SLC9A8: variants seen among roughly 807,000 people sequenced by gnomAD.
SLC9A8 encodes the protein sodium/hydrogen exchanger 8.
In SLC9A8, 48 loss-of-function variants were observed where a neutral mutation model predicts 66.6. That is an observed-to-expected ratio of 0.72 (90% CI 0.57 to 0.92). The LOEUF (loss-of-function observed/expected upper bound fraction) is 0.92. Among genes scored for constraint, SLC9A8 ranks in the 40% least tolerant of loss-of-function variants. The pLI, the probability that SLC9A8 is intolerant of heterozygous loss-of-function variation, is 0.00. For missense variants in SLC9A8, 599 were observed against 747.3 expected (o/e 0.80, Z 2.31); for synonymous variants, 274 against 282.6 (o/e 0.97, Z 0.31).
At position 49,863,000 on chromosome 20, in the gene SLC9A8, A is replaced by G; in HGVS notation, c.785A>G (p.Asp262Gly). Reference sequence around the variant, plus strand: ...TGGCAAACATTTTTACAAGCCCTTGACTACTTCCTCAAAATGTTCTTTGGC... The same window carrying G: ...TGGCAAACATTTTTACAAGCCCTTGGCTACTTCCTCAAAATGTTCTTTGGC... ...SGWQTFLQAL[D>G]YFLKMFFGSA... The change falls in exon 9 of 16, where the codon GAC becomes GGC. Residue 262 changes from aspartate (D) to glycine (G), a missense_variant. By Grantham distance (94) the Asp-to-Gly change is moderately conservative. Transcript: ENST00000361573. The G allele has an allele frequency of 6.2e-7, 1 of 1,613,916 alleles. No individual in the cohort carries two copies. The highest frequency in any genetic ancestry group is 8.5e-7 in the Non-Finnish European group (1 of 1,179,774).
chr20:49,814,580 A>G (rs954442100), intron 1 of SLC9A8, among the ~76,000 whole-genome samples: 10 of 152,314 alleles, frequency 6.6e-5, no homozygotes, highest in African/African-American at 2.4e-4. Context: ...GCCCAGATCA[A>G]CAACTGGGCA....
chr20:49,831,071 G>A (rs572909383), intron 3 of SLC9A8: 3 of 697,904 alleles, frequency 4.3e-6, no homozygotes, highest in African/African-American at 3.5e-5. Flanking sequence ...TGTGTCCTGA[G>A]CCTGCATACA....
At chr20:49,870,732 T>C (rs1335302904) in intron 10 of SLC9A8, among the ~76,000 whole-genome samples, 1 of 152,228 alleles carries the variant, frequency 6.6e-6, no homozygotes, top group Non-Finnish European at 1.5e-5. Flanking sequence ...GACAGGATCA[T>C]GCTCTGTTAC....
At chr20:49,876,026 A>G (rs554864491) in intron 11 of SLC9A8, among the ~76,000 whole-genome samples, 35 of 152,274 alleles carry the variant, frequency 2.3e-4, no homozygotes, top group African/African-American at 8.2e-4. Context: ...GGCATGAGCC[A>G]CCGCACCCGG....
chr20:49,845,135 A>G lies in SLC9A8; in HGVS notation c.432+16A>G, dbSNP rs1158175503. 1.3e-6 allele frequency: 2 copies of G among 1,573,430 alleles called. No individual in the cohort carries two copies. The highest frequency in any genetic ancestry group is 2.2e-5 in the East Asian group (1 of 44,696). On this transcript the variant is annotated intron_variant, in intron 5 of 15. Transcript: ENST00000361573. ...ATTACACAAGGTGAGACTCAGGCAC[A>G]CATTGGTGCTTTGGTCTGGACAGTT... is the stretch of plus-strand genomic sequence containing the variant.
At chr20:49,813,323 C>T (rs2086428129) in intron 1 of SLC9A8, among the ~76,000 whole-genome samples, 3 of 152,252 alleles carry the variant, frequency 2.0e-5, no homozygotes, top group African/African-American at 7.2e-5. Context: ...TAGCCAGTCG[C>T]CTCCTGTATA....
intron 2 of SLC9A8, among the ~76,000 whole-genome samples, chr20:49,820,845 C>T (rs1204127367): frequency 6.6e-6 from 1 of 152,082 alleles, no homozygotes; most frequent in South Asian, 2.1e-4. Context: ...GCACCAGGCC[C>T]TCACTGTATT....
intron 10 of SLC9A8, among the ~76,000 whole-genome samples, chr20:49,870,662 A>AT (rs1371207038): frequency 3.3e-5 from 5 of 152,166 alleles, no homozygotes; most frequent in Non-Finnish European, 7.4e-5. Flanking sequence ...TAGGCACCAT[A>AT]TATGTGATAG....
At chr20:49,875,728 G>A (rs903510284) in intron 11 of SLC9A8, among the ~76,000 whole-genome samples, 1 of 151,894 alleles carries the variant, frequency 6.6e-6, no homozygotes, top group Non-Finnish European at 1.5e-5. Flanking sequence ...CTGGCATTTT[G>A]AGGGACTTGT....
chr20:49,883,534 G>A lies in SLC9A8; in HGVS notation c.1271-312G>A, dbSNP rs140377514. 4.1e-3 allele frequency among the ~76,000 whole-genome samples: 632 copies of A among 152,306 alleles called. 3 individuals are homozygous for A. Among genetic ancestry groups the A allele is most frequent in the African/African-American group, 0.015 (611 of 41,560 alleles). On this transcript the variant is annotated intron_variant, in intron 13 of 15. Coordinates refer to ENST00000361573, the MANE Select transcript of SLC9A8 (RefSeq NM_015266.3). ...CACAGGGAGGGCTCAGCCCACAGCA[G>A]CTGTCCTGCAGTTTCCAAGACACGA... is the stretch of plus-strand genomic sequence containing the variant.
chr20:49,827,677 C>A (rs2086968413), intron 3 of SLC9A8, among the ~76,000 whole-genome samples: 1 of 151,408 alleles, frequency 6.6e-6, no homozygotes, highest in Non-Finnish European at 1.5e-5. Flanking sequence ...TGAATAATAC[C>A]AAAGACAGGA....
Position 49,855,524 on chromosome 20 carries a change from A to T in SLC9A8, c.656A>T (p.Asn219Ile). 1.9e-6 allele frequency: 3 copies of T among 1,614,182 alleles called. No homozygotes were observed. Among genetic ancestry groups the T allele is most frequent in the Non-Finnish European group, 2.5e-6 (3 of 1,180,034 alleles). ...FNALHVDPVL[N>I]MLVFGESILN... Reference sequence around the variant, plus strand: ...GCACTTCATGTGGACCCCGTGCTCAACATGCTGGTCTTTGGAGAAAGTATT... The same window carrying T: ...GCACTTCATGTGGACCCCGTGCTCATCATGCTGGTCTTTGGAGAAAGTATT... Residue 219 changes from asparagine to isoleucine, a missense_variant, in exon 8 of 16, where the codon AAC becomes ATC. Asn to Ile is a moderately radical substitution (Grantham distance 149). Around this residue, in one of 2 missense-constraint regions of SLC9A8, gnomAD observed 467 missense variants for 626.5 expected, o/e 0.75. Coordinates refer to ENST00000361573, the MANE Select transcript of SLC9A8 (RefSeq NM_015266.3).
rs1157471837 is a variant in SLC9A8 at position 49,880,902 on chromosome 20, CTTAG to C, written c.1159-19_1159-16del. ...AAGAGCCAGATGTTTTCACCTAAGA[CTTAG>C]TTTGTTGCTATCAACAGGTGCTTGT... is the stretch of plus-strand genomic sequence containing the variant. On this transcript the variant is annotated intron_variant, in intron 12 of 15. Transcript: ENST00000361573. The C allele has an allele frequency of 6.6e-7, 1 of 1,521,494 alleles. No individual in the cohort carries two copies. Among genetic ancestry groups the C allele is most frequent in the African/African-American group, 1.4e-5 (1 of 73,180 alleles). 94.2% of individuals were successfully genotyped at this position (1,521,494 alleles called of 1,614,324 possible). A position where few individuals can be genotyped will look rare whatever the true frequency, so the allele number is the denominator to read the frequency against.
chr20:49,887,274 T>C (rs1245433623), intron 15 of SLC9A8, among the ~76,000 whole-genome samples: 1 of 152,144 alleles, frequency 6.6e-6, no homozygotes, highest in African/African-American at 2.4e-5. Context: ...GGGGCACTGC[T>C]GGCCTCTCTT....
At position 49,883,752 on chromosome 20, in the gene SLC9A8, T is replaced by C. The variant is rs1600817144; in HGVS notation, c.1271-94T>C. On this transcript the variant is annotated intron_variant, in intron 13 of 15. Coordinates refer to ENST00000361573, the MANE Select transcript of SLC9A8 (RefSeq NM_015266.3). ...CAGGGCCATTAGAATAGTCAGCTGG[T>C]CGTGGTGCTGGGCCGGCTGGATTTC... The C allele has an allele frequency of 1.7e-5, 16 of 950,014 alleles. 1 individual carries two copies. In the East Asian group the frequency reaches 3.8e-4, roughly 23 times the overall value. 58.8% of individuals were successfully genotyped at this position (950,014 alleles called of 1,614,324 possible).
Position 49,850,860 on chromosome 20 carries a change from T to C in SLC9A8, c.569+16T>C, listed in dbSNP as rs1400275474. On this transcript the variant is annotated intron_variant, in intron 7 of 15. Coordinates refer to ENST00000361573, the MANE Select transcript of SLC9A8 (RefSeq NM_015266.3). ...TGACAGACAGGTAAATCCTTCATACTGTAACACCCATGCGACTGCTTTTCA... is the reference window on the plus strand; with the variant it reads ...TGACAGACAGGTAAATCCTTCATACCGTAACACCCATGCGACTGCTTTTCA... 1.9e-6 allele frequency: 3 copies of C among 1,584,542 alleles called. No individual in the cohort carries two copies. The highest frequency in any genetic ancestry group is 2.6e-6 in the Non-Finnish European group (3 of 1,161,904).
intron 4 of SLC9A8, among the ~76,000 whole-genome samples, chr20:49,841,310 C>CT (rs1169084103): frequency 2.4e-5 from 3 of 126,620 alleles, no homozygotes; most frequent in South Asian, 4.9e-4. Context: ...GACCCTGTCT[C>CT]TAAAAAAAAA....
At chr20:49,885,325 TTTC>T (rs1381246363) in intron 14 of SLC9A8, among the ~76,000 whole-genome samples, 1 of 152,162 alleles carries the variant, frequency 6.6e-6, no homozygotes, top group African/African-American at 2.4e-5. Context: ...AGAATTTGTG[TTTC>T]TTCTTATTTA....
intron 12 of SLC9A8, among the ~76,000 whole-genome samples, chr20:49,880,079 A>G (rs1011634712): frequency 6.6e-6 from 1 of 151,812 alleles, no homozygotes; most frequent in Non-Finnish European, 1.5e-5. Context: ...TGGGCAACAT[A>G]GCAAGACCTC....
Sources: gnomAD v4.1 joint callset for allele counts (sites outside exome capture counted in the v4.1 genomes callset) on GRCh38, gnomAD v4.1.1 for gene constraint, gnomAD v4.1.1 regional missense constraint, MANE v1.5 for transcripts, NCBI Gene and HGNC (gene_info 2026-07-23, HGNC 2026-07-21) for gene names.